SARNP: variants seen among roughly 807,000 people sequenced by gnomAD.
SARNP encodes SAP domain-containing ribonucleoprotein.
SARNP carries 5 observed loss-of-function variants against 38.1 expected under a neutral mutation model. The ratio of observed to expected loss-of-function variants is 0.13; its 90% CI spans 0.07 to 0.28. The LOEUF (loss-of-function observed/expected upper bound fraction) is 0.28. Among genes scored for constraint, SARNP ranks in the 10% least tolerant of loss-of-function variants. The pLI is 1.00. For missense variants in SARNP, 180 were observed against 243.9 expected (o/e 0.74, Z 1.75); for synonymous variants, 84 against 80.6 (o/e 1.04, Z -0.23).
At chr12:55,784,608 A>C (rs1286280554) in intron 9 of SARNP, among the ~76,000 whole-genome samples, 1 of 152,248 alleles carries the variant, frequency 6.6e-6, no homozygotes, top group East Asian at 1.9e-4. Flanking sequence ...GCTACAGATT[A>C]ACAATGGTCC....
chr12:55,777,473 C>G (rs1000833784), intron 9 of SARNP, among the ~76,000 whole-genome samples: 2 of 151,792 alleles, frequency 1.3e-5, no homozygotes, highest in African/African-American at 4.8e-5. Flanking sequence ...CTCCCGGGTT[C>G]AAGCGATTCT....
chr12:55,812,186 C>T (rs901433770), intron 1 of SARNP, among the ~76,000 whole-genome samples: 1 of 152,218 alleles, frequency 6.6e-6, no homozygotes, highest in Non-Finnish European at 1.5e-5. Context: ...TCCTCTAACA[C>T]TTTGCACATA....
downstream of SARNP, chr12:55,754,265 C>T (rs1221693929): frequency 6.6e-6 from 1 of 152,232 alleles, no homozygotes; most frequent in Admixed American, 6.5e-5. Context: ...TGAGAGAACA[C>T]CCAAAAAAAG....
chr12:55,815,230 T>A (rs143031978), intron 1 of SARNP, among the ~76,000 whole-genome samples: 2 of 152,088 alleles, frequency 1.3e-5, no homozygotes, highest in East Asian at 1.9e-4. Context: ...GCTAATTTTT[T>A]AATTTTTTTT....
intron 6 of SARNP, among the ~76,000 whole-genome samples, 157 bp from the exon 7 acceptor site, chr12:55,794,544 TAAGC>T (rs1261543835): frequency 1.3e-5 from 2 of 152,268 alleles, no homozygotes; most frequent in Non-Finnish European, 2.9e-5. Context: ...GTTCAGAAAT[TAAGC>T]TAAAAGGAAG....
At position 55,757,401 on chromosome 12, in the gene SARNP, C is replaced by G. The variant is rs1282366008; in HGVS notation, c.*111G>C. Reference sequence around the variant, plus strand: ...GATGTACCTGGGGTACATGCTCCCTCATTGCGAGGCAGGACGTAGGCACAT... The same window carrying G: ...GATGTACCTGGGGTACATGCTCCCTGATTGCGAGGCAGGACGTAGGCACAT... On this transcript the variant is annotated 3_prime_UTR_variant, in exon 11 of 11. Coordinates refer to ENST00000336133, the MANE Select transcript of SARNP (RefSeq NM_033082.4). 1.7e-5 allele frequency: 13 copies of G among 783,446 alleles called. No homozygotes were observed. The highest frequency in any genetic ancestry group is 3.5e-5 in the African/African-American group (2 of 56,396). 48.5% of individuals were successfully genotyped at this position (783,446 alleles called of 1,614,324 possible). A position where few individuals can be genotyped will look rare whatever the true frequency, so the allele number is the denominator to read the frequency against.
intron 1 of SARNP, among the ~76,000 whole-genome samples, chr12:55,806,096 A>G (rs970142523): frequency 3.3e-5 from 5 of 151,792 alleles, no homozygotes; most frequent in Non-Finnish European, 5.9e-5. Context: ...AAATGACTGC[A>G]GAGTGACTGG....
intron 1 of SARNP, among the ~76,000 whole-genome samples, chr12:55,810,106 T>C (rs573541781): frequency 1.3e-5 from 2 of 152,288 alleles, no homozygotes; most frequent in East Asian, 1.9e-4. Flanking sequence ...TGCATTGCCC[T>C]GTGATTTCTA....
At chr12:55,762,810 C>G (rs1004047890) in intron 9 of SARNP, among the ~76,000 whole-genome samples, 6 of 152,300 alleles carry the variant, frequency 3.9e-5, no homozygotes, top group Admixed American at 2.0e-4. Context: ...CAGCAGCCAC[C>G]TGTACAAATC....
intron 1 of SARNP, among the ~76,000 whole-genome samples, chr12:55,814,172 T>C (rs1278712239): frequency 6.6e-6 from 1 of 152,108 alleles, no homozygotes; most frequent in Non-Finnish European, 1.5e-5. Flanking sequence ...ATGACTCCTA[T>C]AATAAATATC....
intron 9 of SARNP, among the ~76,000 whole-genome samples, chr12:55,764,673 A>T (rs771310280): frequency 1.9e-4 from 28 of 151,066 alleles, no homozygotes; most frequent in Non-Finnish European, 2.7e-4. Flanking sequence ...CATCTCTATT[A>T]AAAAAAATAC....
At chr12:55,801,305 TG>T (rs925851898) in intron 2 of SARNP, among the ~76,000 whole-genome samples, 1 of 151,836 alleles carries the variant, frequency 6.6e-6, no homozygotes, top group Non-Finnish European at 1.5e-5. Flanking sequence ...TAGCTGGGTG[TG>T]GGGGTGTGCG....
intron 1 of SARNP, among the ~76,000 whole-genome samples, chr12:55,815,036 T>C (rs1269698998): frequency 6.6e-6 from 1 of 152,198 alleles, no homozygotes; most frequent in Non-Finnish European, 1.5e-5. Context: ...ATTCTCTTTA[T>C]GACAATGGAG....
chr12:55,775,938 C>T (rs1879168705), intron 9 of SARNP, among the ~76,000 whole-genome samples: 1 of 152,200 alleles, frequency 6.6e-6, no homozygotes, highest in Non-Finnish European at 1.5e-5. Context: ...ATTGCTCTCA[C>T]ATGAGGAGCC....
Position 55,794,835 on chromosome 12 carries a change from C to A in SARNP, c.349G>T (p.Glu117Ter). ...AERFNVPVSL[E>*]SKKAARAARF... ...GCTGCCCGAGCAGCTTTCTTACTCT[C>A]CAAGCTCACAGGTACATTGAATCGT... The change falls in exon 6 of 11, where the codon GAG (glutamate) becomes TAG (stop). Residue 117 changes from glutamate (E) to a stop codon, truncating the protein, a stop_gained. Coordinates refer to ENST00000336133, the MANE Select transcript of SARNP (RefSeq NM_033082.4). LOFTEE classifies it high-confidence loss of function. 6.2e-7 allele frequency: 1 copy of A among 1,612,790 alleles called. No individual in the cohort carries two copies. Among genetic ancestry groups the A allele is most frequent in the South Asian group, 1.1e-5 (1 of 91,040 alleles).
chr12:55,784,002 T>G (rs1879414472), intron 9 of SARNP, among the ~76,000 whole-genome samples: 1 of 152,154 alleles, frequency 6.6e-6, no homozygotes, highest in African/African-American at 2.4e-5. Context: ...ACTTCCTCCC[T>G]TTATTCATAT....
intron 9 of SARNP, among the ~76,000 whole-genome samples, chr12:55,779,551 T>C (rs570616599): frequency 6.6e-6 from 1 of 152,368 alleles, no homozygotes; most frequent in East Asian, 1.9e-4. Context: ...CTCTTCACCA[T>C]AGCTTATGGT....
At position 55,811,901 on chromosome 12, in the gene SARNP, C is replaced by T. The variant is rs117590722; in HGVS notation, c.36+5765G>A. On this transcript the variant is annotated intron_variant, in intron 1 of 10. Transcript: ENST00000336133. ...CAAACCCTTCTCACCACGGCAAATG[C>T]TACTACTCTAGTCTTTCTTTCATAC... Among the ~76,000 whole-genome samples, 96 of 152,322 alleles carry T rather than the reference C, an allele frequency of 6.3e-4. No homozygotes were observed. The East Asian group carries it at 0.016, about 26-fold the overall frequency.
At chr12:55,783,601 G>A (rs1002209938) in intron 9 of SARNP, among the ~76,000 whole-genome samples, 1 of 152,034 alleles carries the variant, frequency 6.6e-6, no homozygotes, top group Non-Finnish European at 1.5e-5. Flanking sequence ...GTGGGAGGAG[G>A]TGGGAGAGAG....
Sources: gnomAD v4.1 joint callset for allele counts (sites outside exome capture counted in the v4.1 genomes callset) on GRCh38, gnomAD v4.1.1 for gene constraint, MANE v1.5 for transcripts, NCBI Gene and HGNC (gene_info 2026-07-23, HGNC 2026-07-21) for gene names.